Variants in UBE2K observed in about 807,000 individuals in gnomAD.
UBE2K encodes the protein ubiquitin-conjugating enzyme E2 K.
Under a neutral mutation model 30.0 loss-of-function variants are expected in UBE2K, and 6 were observed. The observed-to-expected ratio is 0.20, with a 90% confidence interval of 0.11 to 0.39. The LOEUF (loss-of-function observed/expected upper bound fraction) is 0.39. Ranked by LOEUF, UBE2K falls within the 10% of genes least tolerant of loss-of-function variation. The pLI, the probability that UBE2K is intolerant of heterozygous loss-of-function variation, is 1.00. For synonymous variants in UBE2K, 86 were observed against 83.7 expected (o/e 1.03, Z -0.15); for missense variants, 61 against 241.6 (o/e 0.25, Z 4.96).
At chr4:39,777,517 T>G (rs533604278) in intron 5 of UBE2K, among the ~76,000 whole-genome samples, 165 bp from the exon 6 acceptor site, 1 of 152,360 alleles carries the variant, frequency 6.6e-6, no homozygotes, top group South Asian at 2.1e-4. Flanking sequence ...TCAGGTTAAG[T>G]GGTCTTTTCT....
intron 2 of UBE2K, among the ~76,000 whole-genome samples, chr4:39,740,620 T>C (rs1029788057): frequency 6.6e-6 from 1 of 151,790 alleles, no homozygotes; most frequent in Non-Finnish European, 1.5e-5. Flanking sequence ...CCCAGCACTT[T>C]GGGAGGCTGA....
At chr4:39,704,686 G>A (rs533686060) in intron 1 of UBE2K, among the ~76,000 whole-genome samples, 27 of 152,040 alleles carry the variant, frequency 1.8e-4, no homozygotes, top group Admixed American at 9.2e-4. Context: ...GACTAAAGGC[G>A]TCTGCCACCA....
chr4:39,701,762 T>A (rs1718026342), intron 1 of UBE2K, among the ~76,000 whole-genome samples: 1 of 145,458 alleles, frequency 6.9e-6, no homozygotes, highest in South Asian at 2.2e-4. Context: ...TCTTTCATGT[T>A]TTTTTTTTTT....
intron 3 of UBE2K, among the ~76,000 whole-genome samples, chr4:39,748,259 C>T (rs1050740172): frequency 9.9e-5 from 15 of 152,140 alleles, no homozygotes; most frequent in Non-Finnish European, 1.9e-4. Context: ...GGGTCTTACT[C>T]TGTTGCTCAG....
At chr4:39,756,083 G>A (rs1721503384) in intron 4 of UBE2K, among the ~76,000 whole-genome samples, 1 of 152,206 alleles carries the variant, frequency 6.6e-6, no homozygotes, top group Non-Finnish European at 1.5e-5. Flanking sequence ...ATCCCCCTTA[G>A]ATGGAATGTA....
At chr4:39,743,224 G>GC (rs1330105312) in intron 2 of UBE2K, among the ~76,000 whole-genome samples, 1 of 152,168 alleles carries the variant, frequency 6.6e-6, no homozygotes, top group Non-Finnish European at 1.5e-5. Flanking sequence ...TTTTTGAAGA[G>GC]CTGAGTGTAT....
rs1229515498 is a variant in UBE2K at position 39,779,839 on chromosome 4, CATATT to C, written c.*1409_*1413del. On this transcript the variant is annotated 3_prime_UTR_variant, in exon 7 of 7. Coordinates refer to ENST00000261427, the MANE Select transcript of UBE2K (RefSeq NM_005339.5). ...TAAAGTAAGGCTGTATATTGAAAGT[CATATT>C]ATAAAAGGTTTGCTTTCTTTAAGTG... The C allele has an allele frequency of 6.6e-6, 1 of 152,080 alleles. No homozygotes were observed. The highest frequency in any genetic ancestry group is 2.4e-5 in the African/African-American group (1 of 41,430). The allele number at this position is 152,080 out of a possible 1,614,324, so 9.4% of individuals were successfully genotyped here. A position where few individuals can be genotyped will look rare whatever the true frequency, so the allele number is the denominator to read the frequency against.
intron 4 of UBE2K, among the ~76,000 whole-genome samples, chr4:39,768,042 C>G (rs770138258): frequency 6.6e-6 from 1 of 152,094 alleles, no homozygotes; most frequent in Non-Finnish European, 1.5e-5. Flanking sequence ...ATGCTGATAA[C>G]ATCTAGGTAG....
intron 1 of UBE2K, chr4:39,714,565 T>A (rs1367986143): frequency 7.8e-6 from 1 of 127,452 alleles, no homozygotes; most frequent in Non-Finnish European, 1.6e-5. Flanking sequence ...TTTTTTTTTT[T>A]AAGACTGAGT....
At position 39,729,557 on chromosome 4, in the gene UBE2K, T is replaced by C. The variant is rs138197831; in HGVS notation, c.64-7863T>C. 1.3e-5 allele frequency among the ~76,000 whole-genome samples: 2 copies of C among 152,342 alleles called. 1 individual carries two copies. The highest frequency in any genetic ancestry group is 4.8e-5 in the African/African-American group (2 of 41,582). On this transcript the variant is annotated intron_variant, in intron 1 of 6. Transcript: ENST00000261427. ...CTGTCTGCCTTAATTCATCTTCTTTTCATTGCACTGGACTTTATTGGCATC... is the reference window on the plus strand; with the variant it reads ...CTGTCTGCCTTAATTCATCTTCTTTCCATTGCACTGGACTTTATTGGCATC...
At chr4:39,762,114 GGTTGCAGTGAGCCGAGATCGCCTCACT>G (rs1711988607) in intron 4 of UBE2K, among the ~76,000 whole-genome samples, 1 of 151,860 alleles carries the variant, frequency 6.6e-6, no homozygotes, top group African/African-American at 2.4e-5. Flanking sequence ...GAGGGGCAGA[GGTTGCAGTGAGCCGAGATCGCCTCACT>G]GCACTGCAGC....
intron 2 of UBE2K, 42 bp from the exon 3 acceptor site, chr4:39,745,704 TATTTGA>T (rs1225907679): frequency 8.0e-7 from 1 of 1,256,246 alleles, no homozygotes; most frequent in Non-Finnish European, 1.2e-6. Flanking sequence ...TTGTCTTATA[TATTTGA>T]ATTGAGCAGC....
chr4:39,721,882 A>T (rs1031044697), intron 1 of UBE2K, among the ~76,000 whole-genome samples: 3 of 152,066 alleles, frequency 2.0e-5, no homozygotes, highest in African/African-American at 7.2e-5. Flanking sequence ...TGAGCCCAGG[A>T]GTTTGAGACC....
intron 2 of UBE2K, among the ~76,000 whole-genome samples, chr4:39,740,797 A>G (rs184598696): frequency 0.019 from 2,703 of 145,262 alleles, 90 homozygotes; most frequent in African/African-American, 0.066. Context: ...CGGGAGGCGG[A>G]GCTTGCAGTG....
At chr4:39,751,702 G>A (rs1721264655) in intron 3 of UBE2K, among the ~76,000 whole-genome samples, 1 of 151,950 alleles carries the variant, frequency 6.6e-6, no homozygotes, top group African/African-American at 2.4e-5. Flanking sequence ...GCCACGCGCA[G>A]TGGCTCATGC....
At chr4:39,708,097 T>C (rs114414419) in intron 1 of UBE2K, among the ~76,000 whole-genome samples, 3,107 of 151,834 alleles carry the variant, frequency 0.02, 69 homozygotes, top group Non-Finnish European at 0.033. Flanking sequence ...GGTTTCTCCA[T>C]GGTGGTCAGT....
rs1181015395 is a variant in UBE2K, at chr4:39,782,519, C to CA, written c.*4087dup. The CA allele has an allele frequency of 6.6e-6, 1 of 151,994 alleles. No individual in the cohort carries two copies. 9.4% of individuals were successfully genotyped at this position (151,994 alleles called of 1,614,324 possible). Reference sequence around the variant, plus strand: ...AGCTTCTCTAGATCTCTATTCTAAACAATCTGTTAGTGATGATAAATTCTG... The same window carrying CA: ...AGCTTCTCTAGATCTCTATTCTAAACAAATCTGTTAGTGATGATAAATTCTG... On this transcript the variant is annotated 3_prime_UTR_variant, in exon 7 of 7. Coordinates refer to ENST00000261427, the MANE Select transcript of UBE2K (RefSeq NM_005339.5).
intron 1 of UBE2K, chr4:39,714,251 A>G (rs1337998211): frequency 4.8e-5 from 9 of 185,860 alleles, no homozygotes; most frequent in Admixed American, 4.8e-4. Flanking sequence ...CTTGTTTTCA[A>G]CATTGTTCTG....
At chr4:39,729,984 T>C (rs1231327271) in intron 1 of UBE2K, among the ~76,000 whole-genome samples, 1 of 152,262 alleles carries the variant, frequency 6.6e-6, no homozygotes, top group Non-Finnish European at 1.5e-5. Context: ...TTAAAAATTA[T>C]ATAATTAGTT....
Sources: gnomAD v4.1 joint callset for allele counts (sites outside exome capture counted in the v4.1 genomes callset) on GRCh38, gnomAD v4.1.1 for gene constraint, MANE v1.5 for transcripts, NCBI Gene and HGNC (gene_info 2026-07-23, HGNC 2026-07-21) for gene names.